Variants in P2RY6 observed in about 807,000 individuals in gnomAD.
P2RY6 encodes the protein pyrimidinergic receptor P2Y6, also known as P2Y purinoceptor 6.
Under a neutral mutation model 16.3 loss-of-function variants are expected in P2RY6, and 19 were observed. The observed-to-expected ratio is 1.16, with a 90% CI of 0.81 to 1.71. P2RY6 has a LOEUF of 1.71. Ranked by LOEUF, P2RY6 falls within the 40% of genes most tolerant of loss-of-function variation. The pLI, the probability that P2RY6 is intolerant of heterozygous loss-of-function variation, is 0.00. For synonymous variants in P2RY6, 184 were observed against 201.5 expected (o/e 0.91, Z 0.74); for missense variants, 389 against 455.5 (o/e 0.85, Z 1.33).
At position 73,296,647 on chromosome 11, in the gene P2RY6, G is replaced by A. The variant is rs1439940499; in HGVS notation, c.129G>A (p.Leu43=). ...CGGTGCTGGCGGCTGGCCTGCCGCT[G>A]AACATCTGTGTCATTACCCAGATCT... ...YSAVLAAGLP[L]NICVITQICT... is the part of the protein sequence containing the mutation. Residue 43 remains leucine, a synonymous_variant, in exon 3 of 3, where the codon CTG becomes CTA. Transcript: ENST00000540124. 1.9e-6 allele frequency: 3 copies of A among 1,614,034 alleles called. No homozygotes were observed. The Admixed American group carries it at 5.0e-5, about 27-fold the overall frequency.
At chr11:73,273,547 T>A (rs1044637410) in intron 1 of P2RY6, among the ~76,000 whole-genome samples, 3 of 152,038 alleles carry the variant, frequency 2.0e-5, no homozygotes, top group Non-Finnish European at 4.4e-5. Context: ...CTTCTAAAAT[T>A]CTTACAATCT....
In P2RY6 at chr11:73,297,626, C is replaced by A; in HGVS notation, c.*121C>A. 1.3e-6 allele frequency: 1 copy of A among 761,268 alleles called. No homozygotes were observed. Among genetic ancestry groups the A allele is most frequent in the Non-Finnish European group, 2.1e-6 (1 of 466,918 alleles). 47.2% of individuals were successfully genotyped at this position (761,268 alleles called of 1,614,324 possible). ...CTCAGCTGGGCATGGAGTTAAGATC[C>A]CTCACAGGACCCAGAAGCTCACCAA... On this transcript the variant is annotated 3_prime_UTR_variant, in exon 3 of 3. Transcript: ENST00000540124.
rs754270104 is a variant in P2RY6, at chr11:73,297,155, T to G, written c.637T>G (p.Cys213Gly). The G allele has an allele frequency of 1.9e-6, 3 of 1,604,828 alleles. No individual in the cohort carries two copies. The highest frequency in any genetic ancestry group is 3.3e-5 in the Admixed American group (2 of 60,012). ...CTTTGCTGCCCTGCTGGCCTGCTAC[T>G]GTCTCCTGGCCTGCCGCCTGTGCCG... ...LPFAALLACYCLLACRLCRQD... is the reference protein window; with the variant it reads ...LPFAALLACYGLLACRLCRQD... The change falls in exon 3 of 3, where the codon TGT becomes GGT. Residue 213 changes from cysteine (C) to glycine (G), a missense_variant. Cys to Gly is a radical substitution (Grantham distance 159). Transcript: ENST00000540124.
chr11:73,292,753 G>A (rs965131854), intron 1 of P2RY6: 1 of 981,716 alleles, frequency 1.0e-6, no homozygotes, highest in Non-Finnish European at 1.2e-6. Context: ...CCCCACAGGG[G>A]CTCTTTTAGT....
chr11:73,294,333 T>C (rs565834966), intron 1 of P2RY6, among the ~76,000 whole-genome samples: 1 of 152,346 alleles, frequency 6.6e-6, no homozygotes, highest in East Asian at 1.9e-4. Flanking sequence ...TGTCCACCTA[T>C]ACACTATGCC....
At chr11:73,274,729 G>T (rs145711327) in intron 1 of P2RY6, among the ~76,000 whole-genome samples, 1 of 152,298 alleles carries the variant, frequency 6.6e-6, no homozygotes, top group African/African-American at 2.4e-5. Flanking sequence ...AGCTTTCCTG[G>T]TTCCTTAGTG....
chr11:73,291,658 G>T (rs1337048188), intron 1 of P2RY6, among the ~76,000 whole-genome samples: 1 of 152,210 alleles, frequency 6.6e-6, no homozygotes, highest in Non-Finnish European at 1.5e-5. Context: ...CTGTAAAAAT[G>T]GCTTTGGGGT....
intron 1 of P2RY6, among the ~76,000 whole-genome samples, chr11:73,279,947 C>A (rs1219065643): frequency 1.3e-5 from 2 of 152,216 alleles, no homozygotes; most frequent in Non-Finnish European, 2.9e-5. Context: ...TTACCTTAGG[C>A]TTCCTGTGAG....
intron 1 of P2RY6, among the ~76,000 whole-genome samples, chr11:73,267,195 T>A (rs1184820281): frequency 6.6e-6 from 1 of 152,184 alleles, no homozygotes; most frequent in African/African-American, 2.4e-5. Context: ...CTGACTCTTG[T>A]AAACTTATAA....
chr11:73,276,893 G>A (rs185235071), intron 1 of P2RY6, among the ~76,000 whole-genome samples: 201 of 152,244 alleles, frequency 1.3e-3, no homozygotes, highest in African/African-American at 4.8e-3. Flanking sequence ...GTTTAAATCC[G>A]GGAGCAGGAA....
chr11:73,291,692 CT>C (rs1162354233), intron 1 of P2RY6, among the ~76,000 whole-genome samples: 2 of 152,228 alleles, frequency 1.3e-5, no homozygotes, highest in Non-Finnish European at 2.9e-5. Flanking sequence ...TTAAAGGCAC[CT>C]TCAGCTCTGA....
chr11:73,284,867 G>A (rs1790063), intron 1 of P2RY6, among the ~76,000 whole-genome samples: 19,557 of 152,156 alleles, frequency 0.13, 1,647 homozygotes, highest in South Asian at 0.3. Context: ...TTTATGTTCA[G>A]TCATGAGAGA....
At chr11:73,265,072 G>C (rs1224407362) in intron 1 of P2RY6, among the ~76,000 whole-genome samples, 1 of 152,238 alleles carries the variant, frequency 6.6e-6, no homozygotes. Flanking sequence ...TGGTGCACTG[G>C]GTGTGCGTTG....
In P2RY6 at chr11:73,296,667, A is replaced by G; in HGVS notation, c.149A>G (p.Gln50Arg). Reference protein sequence around the residue: ...GLPLNICVITQICTSRRALTR... With the variant: ...GLPLNICVITRICTSRRALTR... Reference sequence around the variant, plus strand: ...CCGCTGAACATCTGTGTCATTACCCAGATCTGCACGTCCCGCCGGGCCCTG... The same window carrying G: ...CCGCTGAACATCTGTGTCATTACCCGGATCTGCACGTCCCGCCGGGCCCTG... The change falls in exon 3 of 3, where the codon CAG becomes CGG. Residue 50 changes from glutamine (Q) to arginine (R), a missense_variant. By Grantham distance (43) the Gln-to-Arg change is conservative (BLOSUM62 1). Transcript: ENST00000540124. 1 of 1,614,162 alleles carries G rather than the reference A, an allele frequency of 6.2e-7. No homozygotes were observed. The highest frequency in any genetic ancestry group is 8.5e-7 in the Non-Finnish European group (1 of 1,180,016).
Position 73,276,721 on chromosome 11 carries a change from G to A in P2RY6, c.-121+4255G>A, listed in dbSNP as rs7950405. Among the ~76,000 whole-genome samples the A allele has an allele frequency of 2.9e-3, 447 of 152,288 alleles. 5 individuals are homozygous for A. The highest frequency in any genetic ancestry group is 0.01 in the African/African-American group (425 of 41,568). On this transcript the variant is annotated intron_variant, in intron 1 of 2. Transcript: ENST00000540124. ...GGAGGATGGGGATAAAAGGAATGGGGAGTAACTGCTATTGGGTACAGGATT... is the reference window on the plus strand; with the variant it reads ...GGAGGATGGGGATAAAAGGAATGGGAAGTAACTGCTATTGGGTACAGGATT...
At position 73,296,732 on chromosome 11, in the gene P2RY6, G is replaced by C. The variant is rs1864504099; in HGVS notation, c.214G>C (p.Asp72His). 1.2e-6 allele frequency: 2 copies of C among 1,613,824 alleles called. No homozygotes were observed. Residue 72 changes from aspartate to histidine, a missense_variant, in exon 3 of 3, where the codon GAC (aspartate) becomes CAC (histidine). Transcript: ENST00000540124. The stretch of plus-strand genomic sequence containing the variant: ...GTACACCCTAAACCTTGCTCTGGCT[G>C]ACCTGCTATATGCCTGCTCCCTGCC... ...AVYTLNLALA[D>H]LLYACSLPLL...
At chr11:73,267,501 A>G (rs1565158077), upstream of P2RY6, among the ~76,000 whole-genome samples, 1 of 152,204 alleles carries the variant, frequency 6.6e-6, no homozygotes, top group African/African-American at 2.4e-5. Context: ...TTGCAAGGCC[A>G]TCAAAAGGAA....
At chr11:73,274,153 A>G (rs1467932581) in intron 1 of P2RY6, among the ~76,000 whole-genome samples, 1 of 152,200 alleles carries the variant, frequency 6.6e-6, no homozygotes. Context: ...GAAGAAATGG[A>G]GGCTTGTTGA....
chr11:73,290,117 G>A (rs987210034), intron 1 of P2RY6, among the ~76,000 whole-genome samples: 3 of 152,000 alleles, frequency 2.0e-5, no homozygotes, highest in Non-Finnish European at 4.4e-5. Flanking sequence ...AGTTACTTGG[G>A]AGGCTGAGGC....
Sources: gnomAD v4.1 joint callset for allele counts (sites outside exome capture counted in the v4.1 genomes callset) on GRCh38, gnomAD v4.1.1 for gene constraint, MANE v1.5 for transcripts, NCBI Gene and HGNC (gene_info 2026-07-23, HGNC 2026-07-21) for gene names.